CRHR2: variants seen among roughly 807,000 people sequenced by gnomAD.
CRHR2 encodes corticotropin-releasing hormone receptor 2.
CRHR2 carries 53 observed loss-of-function variants against 57.9 expected under a neutral mutation model. That is an observed-to-expected ratio of 0.92 (90% confidence interval 0.73 to 1.15). The LOEUF (loss-of-function observed/expected upper bound fraction) is 1.15. Ranked by LOEUF, CRHR2 falls within the 50% of genes most tolerant of loss-of-function variation. The probability of loss-of-function intolerance (pLI) is 0.00; values close to 1 mark genes in which losing one functional copy is unlikely to be tolerated. For synonymous variants in CRHR2, 213 were observed against 220.9 expected (o/e 0.96, Z 0.32); for missense variants, 532 against 542.6 (o/e 0.98, Z 0.19).
exon 1 of CRHR2, chr7:30,700,090 C>A (rs747086082): frequency 5.9e-6 from 7 of 1,195,458 alleles, no homozygotes; most frequent in African/African-American, 1.6e-5. Context: ...GGTGGTCACA[C>A]CCTGGCCAGC....
At chr7:30,654,598 G>C (rs965724353) in intron 11 of CRHR2, 1 of 1,335,508 alleles carries the variant, frequency 7.5e-7, no homozygotes, top group African/African-American at 1.5e-5. Flanking sequence ...CTTCACGGCC[G>C]CCTGACTCCC....
chr7:30,678,844 T>C (rs6965973), intron 2 of CRHR2, among the ~76,000 whole-genome samples: 129,871 of 152,180 alleles, frequency 0.85, 55,716 homozygotes, highest in African/African-American at 0.91. Context: ...TCATTTGCTC[T>C]TACAGCCTGC....
At chr7:30,681,617 A>G (rs1015554421) in intron 2 of CRHR2, among the ~76,000 whole-genome samples, 6 of 152,284 alleles carry the variant, frequency 3.9e-5, no homozygotes, top group African/African-American at 1.4e-4. Context: ...ACCTACAATG[A>G]GGGAAGGAGG....
chr7:30,700,101 C>T, exon 1 of CRHR2: 4 of 1,093,836 alleles, frequency 3.7e-6, no homozygotes, highest in Non-Finnish European at 4.9e-6. Context: ...CCTGGCCAGC[C>T]CCACCCCACC....
intron 2 of CRHR2, among the ~76,000 whole-genome samples, chr7:30,670,140 CACAA>C (rs960727179): frequency 1.4e-4 from 22 of 152,268 alleles, no homozygotes; most frequent in Admixed American, 1.1e-3. Flanking sequence ...CACACACACA[CACAA>C]ACACAGAATC....
intron 2 of CRHR2, among the ~76,000 whole-genome samples, chr7:30,677,081 G>T (rs576266292): frequency 6.6e-6 from 1 of 152,188 alleles, no homozygotes; most frequent in Non-Finnish European, 1.5e-5. Flanking sequence ...CAAAAGGACC[G>T]TAGGGACAGG....
At chr7:30,672,707 CA>C (rs1247754225) in intron 2 of CRHR2, among the ~76,000 whole-genome samples, 7 of 152,250 alleles carry the variant, frequency 4.6e-5, no homozygotes, top group African/African-American at 1.7e-4. Flanking sequence ...GGAGGGGTGT[CA>C]GTCTCAAACA....
At chr7:30,677,574 C>G (rs1208511986) in intron 2 of CRHR2, among the ~76,000 whole-genome samples, 1 of 152,178 alleles carries the variant, frequency 6.6e-6, no homozygotes, top group Non-Finnish European at 1.5e-5. Flanking sequence ...TGGGGTAAGA[C>G]CGAGGCTACC....
At chr7:30,693,387 G>T (rs370146189) in intron 1 of CRHR2, among the ~76,000 whole-genome samples, 2 of 152,102 alleles carry the variant, frequency 1.3e-5, no homozygotes, top group African/African-American at 4.8e-5. Context: ...TGGAGCCTCC[G>T]TGAAACCCCT....
rs1210716158 is a variant in CRHR2, at chr7:30,665,518, G to A, written c.425+12C>T. On this transcript the variant is annotated intron_variant, in intron 4 of 11. Transcript: ENST00000471646. The surrounding 1 kb of genome is among the most constrained non-coding windows in gnomAD (Gnocchi z 4.5). ...GGGATGAGGAGAAAGCAAGGCGGAA[G>A]GGCAGACTCACCGCAGGGCCAGGAA... is the stretch of plus-strand genomic sequence containing the variant. 31 of 1,550,512 alleles carry A rather than the reference G, an allele frequency of 2.0e-5. 2 individuals are homozygous for A. The East Asian group carries it at 6.3e-4, about 32-fold the overall frequency.
At chr7:30,675,494 A>G (rs1784489775) in intron 2 of CRHR2, among the ~76,000 whole-genome samples, 1 of 152,270 alleles carries the variant, frequency 6.6e-6, no homozygotes, top group Non-Finnish European at 1.5e-5. Flanking sequence ...CCATAGGGCT[A>G]CGGACAAGCA....
At chr7:30,700,044 G>A in exon 1 of CRHR2, 5 of 1,394,222 alleles carry the variant, frequency 3.6e-6, no homozygotes, top group Admixed American at 3.4e-5. Flanking sequence ...GCCAGTAGTG[G>A]CTGGGGGTTA....
chr7:30,689,039 C>A, intron 2 of CRHR2: 1 of 726,212 alleles, frequency 1.4e-6, no homozygotes, highest in Non-Finnish European at 2.4e-6. Flanking sequence ...CGTAAGGGCC[C>A]TCAGCAAGGC....
intron 2 of CRHR2, among the ~76,000 whole-genome samples, chr7:30,669,270 G>GCT (rs1784285168): frequency 1.3e-5 from 2 of 151,986 alleles, no homozygotes; most frequent in South Asian, 2.1e-4. Context: ...CTACTCTATA[G>GCT]CTCTCTCTCT....
intron 1 of CRHR2, among the ~76,000 whole-genome samples, chr7:30,696,887 A>T (rs2128152273): frequency 6.6e-6 from 1 of 152,290 alleles, no homozygotes; most frequent in East Asian, 1.9e-4. Context: ...AAAGTGCTGC[A>T]AATTTGAGAT....
chr7:30,674,847 G>A (rs186447497), intron 2 of CRHR2, among the ~76,000 whole-genome samples: 24 of 152,194 alleles, frequency 1.6e-4, no homozygotes, highest in Middle Eastern at 3.4e-3. Context: ...AGGACATGAT[G>A]GCCCCTCCTT....
intron 11 of CRHR2, 62 bp downstream of exon 11, chr7:30,654,977 G>A (rs1012948817): frequency 1.1e-5 from 17 of 1,591,262 alleles, no homozygotes; most frequent in Admixed American, 1.7e-5. Flanking sequence ...CAATGGAGCT[G>A]CCCTGGAGTG....
chr7:30,672,013 C>T (rs370703055), intron 2 of CRHR2, among the ~76,000 whole-genome samples: 1 of 152,266 alleles, frequency 6.6e-6, no homozygotes, highest in African/African-American at 2.4e-5. Flanking sequence ...TACATGGGAT[C>T]GGAACTTTCA....
At position 30,699,962 on chromosome 7, in the gene CRHR2, G is replaced by C. The variant is rs1460333139; in HGVS notation, c.-279C>G. 10 of 1,498,514 alleles carry C rather than the reference G, an allele frequency of 6.7e-6. No homozygotes were observed. In the South Asian group the frequency reaches 1.2e-4, roughly 17 times the overall value. 92.8% of individuals were successfully genotyped at this position (1,498,514 alleles called of 1,614,324 possible). On this transcript the variant is annotated 5_prime_UTR_variant, in exon 1 of 14. Transcript: ENST00000341843. ...CACTTACGTATTGGAGCGGCGGTGGGAGGAGGCAGAGCAGGCAGAGGAGGA... is the reference window on the plus strand; with the variant it reads ...CACTTACGTATTGGAGCGGCGGTGGCAGGAGGCAGAGCAGGCAGAGGAGGA...
Sources: gnomAD v4.1 joint callset for allele counts (sites outside exome capture counted in the v4.1 genomes callset) on GRCh38, gnomAD v4.1.1 for gene constraint, Gnocchi (gnomAD v3.1) non-coding constraint, MANE v1.5 for transcripts, NCBI Gene and HGNC (gene_info 2026-07-23, HGNC 2026-07-21) for gene names.